CSMD1: variants seen among roughly 807,000 people sequenced by gnomAD.
CSMD1 encodes the protein CUB and sushi domain-containing protein 1.
Under a neutral mutation model 417.5 loss-of-function variants are expected in CSMD1, and 213 were observed. The ratio of observed to expected loss-of-function variants is 0.51; its 90% CI spans 0.46 to 0.57. The LOEUF (loss-of-function observed/expected upper bound fraction) is 0.57, where lower values mean the gene tolerates loss of function less well. Among genes scored for constraint, CSMD1 ranks in the 20% least tolerant of loss-of-function variants. The pLI is 0.00. For synonymous variants in CSMD1, 2,862 were observed against 1,736.8 expected, an observed-to-expected ratio of 1.65 and a Z score of -16.11; for missense variants, 6,923 against 4,529.7, an observed-to-expected ratio of 1.53 and a Z score of -15.17.
intron 1 of CSMD1, among the ~76,000 whole-genome samples, chr8:4,810,747 T>C (rs1321520292): frequency 6.6e-6 from 1 of 152,186 alleles, no homozygotes; most frequent in Non-Finnish European, 1.5e-5. Context: ...ATATATTTGC[T>C]CTGAAATAAT....
intron 5 of CSMD1, among the ~76,000 whole-genome samples, chr8:3,973,297 G>A (rs1486156020): frequency 4.6e-5 from 7 of 152,136 alleles, no homozygotes; most frequent in South Asian, 4.1e-4. Context: ...CCCACCTGCC[G>A]AGGGATTTGA....
chr8:4,632,717 C>T (rs1435256183), intron 2 of CSMD1, among the ~76,000 whole-genome samples: 1 of 152,078 alleles, frequency 6.6e-6, no homozygotes, highest in African/African-American at 2.4e-5. Context: ...CAGTAGGTGG[C>T]CAGTGTTACA....
At chr8:4,363,976 T>C (rs1039602419) in intron 3 of CSMD1, among the ~76,000 whole-genome samples, 4 of 152,124 alleles carry the variant, frequency 2.6e-5, no homozygotes, top group African/African-American at 9.7e-5. Flanking sequence ...GACCTACTTT[T>C]TGCTAGCATA....
intron 3 of CSMD1, among the ~76,000 whole-genome samples, chr8:4,058,038 A>G (rs1410317925): frequency 9.2e-5 from 14 of 151,606 alleles, no homozygotes; most frequent in Admixed American, 1.3e-4. Flanking sequence ...GTTCCATATG[A>G]ATTTTAAAGT....
At chr8:4,842,216 G>A (rs1449786639) in intron 1 of CSMD1, among the ~76,000 whole-genome samples, 1 of 152,186 alleles carries the variant, frequency 6.6e-6, no homozygotes, top group African/African-American at 2.4e-5. Flanking sequence ...TGAATTGAGT[G>A]TGGGAATTAA....
chr8:3,793,620 C>A (rs759783130), intron 5 of CSMD1, among the ~76,000 whole-genome samples: 1 of 152,080 alleles, frequency 6.6e-6, no homozygotes, highest in African/African-American at 2.4e-5. Flanking sequence ...TCCCAAATGT[C>A]CCCCAGAAGC....
intron 3 of CSMD1, among the ~76,000 whole-genome samples, chr8:4,305,187 A>G (rs1375902896): frequency 6.6e-6 from 1 of 152,188 alleles, no homozygotes; most frequent in Admixed American, 6.5e-5. Flanking sequence ...ACATCAAGTA[A>G]CTTCACAAAC....
At chr8:4,709,657 G>A (rs1808168425) in intron 1 of CSMD1, among the ~76,000 whole-genome samples, 1 of 152,170 alleles carries the variant, frequency 6.6e-6, no homozygotes, top group Non-Finnish European at 1.5e-5. Flanking sequence ...GGGGTCTTCA[G>A]CAAAGATGAA....
At chr8:4,898,798 A>G (rs1804670649) in intron 1 of CSMD1, among the ~76,000 whole-genome samples, 1 of 152,170 alleles carries the variant, frequency 6.6e-6, no homozygotes, top group Non-Finnish European at 1.5e-5. Context: ...ACTGCATAAT[A>G]AATATTTATA....
chr8:4,846,627 G>C (rs1206142345), intron 1 of CSMD1, among the ~76,000 whole-genome samples: 1 of 152,158 alleles, frequency 6.6e-6, no homozygotes, highest in East Asian at 1.9e-4. Flanking sequence ...GCAATTCCTA[G>C]AAATTGTAAT....
chr8:4,421,198 C>CT (rs1459671472), intron 2 of CSMD1, among the ~76,000 whole-genome samples: 1 of 151,932 alleles, frequency 6.6e-6, no homozygotes, highest in South Asian at 2.1e-4. Flanking sequence ...TTAGCGAACG[C>CT]AATACAGAAG....
At chr8:4,741,470 T>C (rs1179698286) in intron 1 of CSMD1, among the ~76,000 whole-genome samples, 2 of 152,206 alleles carry the variant, frequency 1.3e-5, no homozygotes, top group African/African-American at 4.8e-5. Flanking sequence ...TTTATGTCTT[T>C]CATAAACATA....
chr8:2,994,263 G>C (rs1806677901), intron 54 of CSMD1, among the ~76,000 whole-genome samples: 1 of 151,884 alleles, frequency 6.6e-6, no homozygotes, highest in African/African-American at 2.4e-5. Flanking sequence ...TTGACCTCGT[G>C]TGTACTGATT....
At chr8:3,374,422 T>C (rs1056998371) in intron 18 of CSMD1, among the ~76,000 whole-genome samples, 2 of 152,206 alleles carry the variant, frequency 1.3e-5, no homozygotes, top group African/African-American at 4.8e-5. Flanking sequence ...AAGTCCCTGT[T>C]TTTCCAAAGT....
chr8:4,487,472 A>G (rs913734287), intron 2 of CSMD1, among the ~76,000 whole-genome samples: 3 of 152,130 alleles, frequency 2.0e-5, no homozygotes, highest in Non-Finnish European at 4.4e-5. Flanking sequence ...AATTTCATCC[A>G]TGTCCCTACA....
At chr8:3,601,257 C>A (rs944731382) in intron 8 of CSMD1, among the ~76,000 whole-genome samples, 1 of 152,094 alleles carries the variant, frequency 6.6e-6, no homozygotes, top group Non-Finnish European at 1.5e-5. Context: ...TGATGGAGGC[C>A]AAGATTTGGT....
chr8:3,620,315 C>A (rs539962099), intron 7 of CSMD1, among the ~76,000 whole-genome samples: 15 of 152,184 alleles, frequency 9.9e-5, no homozygotes, highest in Admixed American at 6.5e-4. Context: ...GGGCACTACA[C>A]AGTCACTTGA....
chr8:4,141,328 C>G (rs887807549), intron 3 of CSMD1, among the ~76,000 whole-genome samples: 4 of 151,180 alleles, frequency 2.6e-5, no homozygotes, highest in East Asian at 3.9e-4. Flanking sequence ...GGAAATGAAG[C>G]TACTACTGTT....
At chr8:4,506,864 T>C (rs1211596333) in intron 2 of CSMD1, among the ~76,000 whole-genome samples, 1 of 152,234 alleles carries the variant, frequency 6.6e-6, no homozygotes, top group Non-Finnish European at 1.5e-5. Flanking sequence ...GTACGATTGA[T>C]AAGTTTATAA....
Sources: allele counts gnomAD v4.1 joint callset (sites outside exome capture counted in the v4.1 genomes callset), GRCh38; gene constraint gnomAD v4.1.1; transcripts MANE v1.5; gene names NCBI Gene and HGNC (gene_info 2026-07-23, HGNC 2026-07-21).